KLF16: variants seen among roughly 807,000 people sequenced by gnomAD.
KLF16 encodes the protein Krueppel-like factor 16.
A neutral mutation model predicts 6.1 loss-of-function variants in KLF16; 6 were observed. That is an observed-to-expected ratio of 0.98 (90% CI 0.54 to 1.93). The LOEUF is 1.93. Ranked by LOEUF, KLF16 falls within the 30% of genes most tolerant of loss-of-function variation. The probability of loss-of-function intolerance (pLI) is 0.01; values close to 1 mark genes in which losing one functional copy is unlikely to be tolerated. For synonymous variants in KLF16, 211 were observed against 176.5 expected (o/e 1.20, Z -1.55); for missense variants, 355 against 363.8 (o/e 0.98, Z 0.20).
chr19:1,866,348 C>T (rs538099520), upstream of KLF16, among the ~76,000 whole-genome samples: 216 of 151,998 alleles, frequency 1.4e-3, no homozygotes, highest in Non-Finnish European at 2.6e-3. Flanking sequence ...TGGTGGCTCA[C>T]GCCTGTAATC....
chr19:1,866,869 C>G (rs1349545128), upstream of KLF16, among the ~76,000 whole-genome samples: 1 of 151,928 alleles, frequency 6.6e-6, no homozygotes, highest in Non-Finnish European at 1.5e-5. Context: ...CTCCTGCTCA[C>G]AGCTAAGAGG....
chr19:1,874,096 T>C, the KLF16 span, among the ~76,000 whole-genome samples: 1 of 152,388 alleles, frequency 6.6e-6, no homozygotes, highest in East Asian at 1.9e-4. Context: ...ATGGATCAGA[T>C]GAAGTCGTCA....
At chr19:1,863,733 G>A (rs1206339873), upstream of KLF16, among the ~76,000 whole-genome samples, 1 of 141,292 alleles carries the variant, frequency 7.1e-6, no homozygotes, top group African/African-American at 2.5e-5. Context: ...CCCTCGGGGC[G>A]CCGCAGCCAC....
At position 1,854,467 on chromosome 19, in the gene KLF16, C is replaced by T; in HGVS notation, c.751G>A (p.Gly251Ser). 7.1e-7 allele frequency: 1 copy of T among 1,415,192 alleles called. No homozygotes were observed. The highest frequency in any genetic ancestry group is 9.1e-7 in the Non-Finnish European group (1 of 1,096,768). 87.7% of individuals were successfully genotyped at this position (1,415,192 alleles called of 1,614,324 possible). The change falls in exon 2 of 2, where the codon GGC (glycine) becomes AGC (serine). Residue 251 changes from glycine (G) to serine (S), a missense_variant. Gly to Ser is a moderately conservative substitution (Grantham distance 56). Coordinates refer to ENST00000250916, the MANE Select transcript of KLF16 (RefSeq NM_031918.4). ...TGGGCTGCACGAGGGCCCTACAGGC[C>T]TGCGGGGGCTGGGCTGGGCGCGGGG... ...PSPAPSPAPA[G>S]L
At chr19:1,869,219 G>A in the KLF16 span, among the ~76,000 whole-genome samples, 3 of 152,186 alleles carry the variant, frequency 2.0e-5, no homozygotes, top group Admixed American at 6.5e-5. Context: ...ACTCACGCCC[G>A]TAATCCCAGC....
At chr19:1,856,111 C>T (rs1414539537) in intron 1 of KLF16, among the ~76,000 whole-genome samples, 1 of 152,202 alleles carries the variant, frequency 6.6e-6, no homozygotes, top group Non-Finnish European at 1.5e-5. Context: ...GCACTCCCAC[C>T]GGTCCATGAA....
chr19:1,868,132 G>A (rs1175727935), upstream of KLF16, among the ~76,000 whole-genome samples: 1 of 151,982 alleles, frequency 6.6e-6, no homozygotes, highest in Non-Finnish European at 1.5e-5. Context: ...ATGCAATGAT[G>A]GGCCATTTGT....
the KLF16 span, among the ~76,000 whole-genome samples, chr19:1,873,842 C>G: frequency 1.3e-5 from 2 of 152,222 alleles, no homozygotes; most frequent in East Asian, 3.9e-4. Flanking sequence ...CCTGAAGGCC[C>G]GGACTCGGTT....
At position 1,863,505 on chromosome 19, in the gene KLF16, A is replaced by G; in HGVS notation, c.-8T>C. On this transcript the variant is annotated 5_prime_UTR_variant, in exon 1 of 2. Transcript: ENST00000250916. ...CGCCACGGCCGCCGACATGCCGAGC[A>G]AGGGCGCGCGGCGCGGCGGGCGGAG... The G allele has an allele frequency of 1.0e-6, 1 of 986,146 alleles. No individual in the cohort carries two copies. Among genetic ancestry groups the G allele is most frequent in the Non-Finnish European group, 1.2e-6 (1 of 832,870 alleles). The allele number at this position is 986,146 out of a possible 1,614,324, so 61.1% of individuals were successfully genotyped here. A position where few individuals can be genotyped will look rare whatever the true frequency, so the allele number is the denominator to read the frequency against.
chr19:1,862,835 G>A (rs1268255187), intron 1 of KLF16: 7 of 318,282 alleles, frequency 2.2e-5, no homozygotes, highest in Admixed American at 2.0e-4. Context: ...CGCCGGGGCG[G>A]CCATCCGCTC....
chr19:1,855,508 G>A (rs565064745), intron 1 of KLF16, among the ~76,000 whole-genome samples: 3 of 152,296 alleles, frequency 2.0e-5, no homozygotes, highest in African/African-American at 7.2e-5. Flanking sequence ...CTGGGCAGGG[G>A]CGGGCCACCA....
At position 1,863,300 on chromosome 19, in the gene KLF16, A is replaced by G; in HGVS notation, c.198T>C (p.Ser66=). The change falls in exon 1 of 2, where the codon TCT becomes TCC. Residue 66 remains serine (S), a synonymous_variant. Transcript: ENST00000250916. ...PGPPPPPPAA[S]GPGPGAAAAP... is the part of the protein sequence containing the mutation. Reference sequence around the variant, plus strand: ...CCGCGGCGGCGCCGGGGCCCGGGCCAGAAGCGGCGGGGGGCGGCGGGGGTG... The same window carrying G: ...CCGCGGCGGCGCCGGGGCCCGGGCCGGAAGCGGCGGGGGGCGGCGGGGGTG... 1 of 980,216 alleles carries G rather than the reference A, an allele frequency of 1.0e-6. No individual in the cohort carries two copies. The highest frequency in any genetic ancestry group is 1.2e-6 in the Non-Finnish European group (1 of 828,668). 60.7% of individuals were successfully genotyped at this position (980,216 alleles called of 1,614,324 possible). A position where few individuals can be genotyped will look rare whatever the true frequency, so the allele number is the denominator to read the frequency against.
At chr19:1,866,119 T>C (rs1033435058), upstream of KLF16, among the ~76,000 whole-genome samples, 3 of 150,918 alleles carry the variant, frequency 2.0e-5, no homozygotes, top group African/African-American at 7.3e-5. Flanking sequence ...GCCTGGCCAA[T>C]GTGGTGAAAT....
At chr19:1,867,927 CGTGTGTGT>C (rs71174389), upstream of KLF16, among the ~76,000 whole-genome samples, 36,341 of 147,882 alleles carry the variant, frequency 0.25, 4,810 homozygotes, top group South Asian at 0.34. Context: ...TATGTAAGGA[CGTGTGTGT>C]GTGTGTGTGT....
At chr19:1,867,214 G>A (rs1240200570), upstream of KLF16, among the ~76,000 whole-genome samples, 3 of 152,224 alleles carry the variant, frequency 2.0e-5, no homozygotes, top group East Asian at 1.9e-4. Flanking sequence ...GATGAGGGCA[G>A]AGGTCACATA....
chr19:1,865,106 C>T (rs949603171), upstream of KLF16, among the ~76,000 whole-genome samples: 1 of 152,236 alleles, frequency 6.6e-6, no homozygotes, highest in African/African-American at 2.4e-5. Flanking sequence ...TTGGTTAAGC[C>T]AGCTGAGCCC....
chr19:1,872,987 A>G, the KLF16 span, among the ~76,000 whole-genome samples: 1 of 152,066 alleles, frequency 6.6e-6, no homozygotes, highest in Non-Finnish European at 1.5e-5. Flanking sequence ...TCAGAGGTGG[A>G]CAGGCAGGTG....
In KLF16 at chr19:1,857,758, G is replaced by A. The variant is rs968097497; in HGVS notation, c.458-2998C>T. Among the ~76,000 whole-genome samples the A allele has an allele frequency of 6.6e-6, 1 of 152,114 alleles. No homozygotes were observed. The highest frequency in any genetic ancestry group is 1.5e-5 in the Non-Finnish European group (1 of 68,002). ...GTCTGTAGGGGAGGGCACAGGTGGG[G>A]AAGACCAGCCCCAGCCGCAAAGCAA... On this transcript the variant is annotated intron_variant, in intron 1 of 1. Coordinates refer to ENST00000250916, the MANE Select transcript of KLF16 (RefSeq NM_031918.4). This position sits in a 1 kb window ranked among gnomAD's most constrained non-coding sequence, Gnocchi z 4.7.
upstream of KLF16, among the ~76,000 whole-genome samples, chr19:1,868,016 C>A (rs1014962426): frequency 6.6e-6 from 1 of 151,194 alleles, no homozygotes. Flanking sequence ...ACAGTCGGGT[C>A]TTTGCTTTGT....
Sources: allele counts gnomAD v4.1 joint callset (sites outside exome capture counted in the v4.1 genomes callset), GRCh38; gene constraint gnomAD v4.1.1; non-coding constraint Gnocchi (gnomAD v3.1); transcripts MANE v1.5; gene names NCBI Gene and HGNC (gene_info 2026-07-23, HGNC 2026-07-21).